NTM: variants seen among roughly 807,000 people sequenced by gnomAD.
NTM encodes neurotrimin.
A neutral mutation model predicts 42.1 loss-of-function variants in NTM; 13 were observed. That is an observed-to-expected ratio of 0.31 (90% confidence interval 0.20 to 0.49). NTM has a LOEUF of 0.49. Among genes scored for constraint, NTM ranks in the 20% least tolerant of loss-of-function variants. The pLI is 0.99. For missense variants in NTM, 373 were observed against 452.8 expected (o/e 0.82, Z 1.60); for synonymous variants, 187 against 179.2 (o/e 1.04, Z -0.35).
intron 2 of NTM, among the ~76,000 whole-genome samples, chr11:132,066,927 G>A (rs932645465): frequency 6.6e-6 from 1 of 151,734 alleles, no homozygotes; most frequent in African/African-American, 2.4e-5. Context: ...CAGATTCCAG[G>A]GATTAGGATG....
intron 1 of NTM, among the ~76,000 whole-genome samples, chr11:131,852,880 G>GTCCATCCATCCATCCACCCACCCA (rs1366259592): frequency 7.9e-6 from 1 of 126,460 alleles, no homozygotes; most frequent in Non-Finnish European, 1.7e-5. Flanking sequence ...CCACCCATCC[G>GTCCATCCATCCATCCACCCACCCA]TCCATCCATC....
chr11:131,746,650 C>T (rs2081867985), intron 1 of NTM, among the ~76,000 whole-genome samples: 1 of 152,142 alleles, frequency 6.6e-6, no homozygotes, highest in Non-Finnish European at 1.5e-5. Flanking sequence ...TATGCAGAGA[C>T]ATTAATAAGC....
intron 1 of NTM, among the ~76,000 whole-genome samples, chr11:131,687,624 G>A (rs990564318): frequency 1.3e-5 from 2 of 152,130 alleles, no homozygotes; most frequent in African/African-American, 2.4e-5. Context: ...AATTAGTGCC[G>A]CCCAAGTGCC....
chr11:132,292,938 GC>G lies in NTM; in HGVS notation c.527-14749del, dbSNP rs1437537005. On this transcript the variant is annotated intron_variant, in intron 4 of 8. Coordinates refer to ENST00000683400, the MANE Select transcript of NTM (RefSeq NM_001352005.2). ...GACAGAGTGAGATGCTTAAATTAAT[GC>G]CTTCAGAGGTGGTTCAGTTTCTGAC... 3.9e-5 allele frequency among the ~76,000 whole-genome samples: 6 copies of G among 152,022 alleles called. No individual in the cohort carries two copies. The East Asian group carries it at 9.7e-4, about 25-fold the overall frequency.
At chr11:131,514,216 G>A (rs2048609278) in intron 1 of NTM, among the ~76,000 whole-genome samples, 1 of 152,202 alleles carries the variant, frequency 6.6e-6, no homozygotes, top group African/African-American at 2.4e-5. Flanking sequence ...GCCCTGATAT[G>A]TCCAGTCTCT....
chr11:132,087,093 T>C (rs1055884247), intron 2 of NTM, among the ~76,000 whole-genome samples: 2 of 152,172 alleles, frequency 1.3e-5, no homozygotes, highest in African/African-American at 4.8e-5. Context: ...TCCTAGGGAA[T>C]ACCCAGGATA....
In NTM at chr11:131,911,661, C is replaced by T; in HGVS notation, c.167+13C>T. 1 of 1,613,948 alleles carries T rather than the reference C, an allele frequency of 6.2e-7. No homozygotes were observed. Among genetic ancestry groups the T allele is most frequent in the Non-Finnish European group, 8.5e-7 (1 of 1,179,844 alleles). On this transcript the variant is annotated intron_variant, in intron 2 of 8. Transcript: ENST00000683400. The stretch of plus-strand genomic sequence containing the variant: ...GCGCCACCCTCAGGTAGGGAGCTGA[C>T]ATTGTTCTGCGAACTGATGGTTTGT...
chr11:132,239,201 T>C (rs1592443121), intron 4 of NTM, among the ~76,000 whole-genome samples: 1 of 152,338 alleles, frequency 6.6e-6, no homozygotes, highest in East Asian at 1.9e-4. Context: ...ATATTACCAA[T>C]TGAGAAAGAA....
chr11:131,985,332 A>G (rs928655446), intron 2 of NTM, among the ~76,000 whole-genome samples: 8 of 152,222 alleles, frequency 5.3e-5, no homozygotes, highest in African/African-American at 1.9e-4. Flanking sequence ...CCATTGCCCA[A>G]GTGCAATCTG....
intron 1 of NTM, among the ~76,000 whole-genome samples, chr11:131,811,614 G>A (rs143208726): frequency 7.4e-4 from 113 of 152,146 alleles, no homozygotes; most frequent in African/African-American, 2.3e-3. Flanking sequence ...GCTGATTGAT[G>A]TCAAATATGT....
chr11:131,746,617 G>T (rs1197569192), intron 1 of NTM, among the ~76,000 whole-genome samples: 1 of 152,166 alleles, frequency 6.6e-6, no homozygotes, highest in Non-Finnish European at 1.5e-5. Flanking sequence ...TTCAGGTTAT[G>T]CTCAGATTGA....
rs1011210802 is a variant in NTM, at chr11:132,301,835, A to G, written c.527-5854A>G. ...CTTTTTCAATTTCTGACGTCCAAAG[A>G]TTGTATCTCAGCTGGTATATATGCC... is the stretch of plus-strand genomic sequence containing the variant. On this transcript the variant is annotated intron_variant, in intron 4 of 8. Coordinates refer to ENST00000683400, the MANE Select transcript of NTM (RefSeq NM_001352005.2). Among the ~76,000 whole-genome samples, 4 of 152,110 alleles carry G rather than the reference A, an allele frequency of 2.6e-5. No homozygotes were observed. The East Asian group carries it at 7.7e-4, about 29-fold the overall frequency.
chr11:131,782,781 T>C (rs1337660512), intron 1 of NTM, among the ~76,000 whole-genome samples: 1 of 152,178 alleles, frequency 6.6e-6, no homozygotes, highest in Non-Finnish European at 1.5e-5. Context: ...AAATTCAACA[T>C]TCCTTTGTGA....
At chr11:131,609,574 C>T (rs1011616194) in intron 1 of NTM, among the ~76,000 whole-genome samples, 5 of 152,140 alleles carry the variant, frequency 3.3e-5, no homozygotes, top group South Asian at 2.1e-4. Flanking sequence ...AGATCGAAGA[C>T]GTCTTGATGG....
At position 131,373,336 on chromosome 11, in the gene NTM, T is replaced by C. The variant is rs531757255; in HGVS notation, c.82+2448T>C. 8.1e-4 allele frequency among the ~76,000 whole-genome samples: 123 copies of C among 152,238 alleles called. 1 individual carries two copies. The highest frequency in any genetic ancestry group is 7.7e-3 in the South Asian group (37 of 4,824). On this transcript the variant is annotated intron_variant, in intron 1 of 8. Coordinates refer to ENST00000683400, the MANE Select transcript of NTM (RefSeq NM_001352005.2). The stretch of plus-strand genomic sequence containing the variant: ...ATTTTTTCTTCTCCTCTGTTTTTGT[T>C]TTAAGCTGGTTCTTCCTAGAGCTGC...
intron 1 of NTM, chr11:131,796,296 TGGTG>T: frequency 2.0e-6 from 1 of 495,854 alleles, no homozygotes; most frequent in Non-Finnish European, 2.6e-6. Context: ...CTGGCTGTGC[TGGTG>T]TCTCAGGAGC....
chr11:131,670,880 C>G (rs768212063), intron 1 of NTM, among the ~76,000 whole-genome samples: 4 of 152,182 alleles, frequency 2.6e-5, no homozygotes, highest in Non-Finnish European at 5.9e-5. Flanking sequence ...CCTCTGTGAG[C>G]AATCCTAGGT....
chr11:131,746,574 A>G (rs758931126), intron 1 of NTM, among the ~76,000 whole-genome samples: 2 of 152,172 alleles, frequency 1.3e-5, no homozygotes, highest in Non-Finnish European at 2.9e-5. Context: ...AGCATTAAGC[A>G]TGTTGTCTGT....
In NTM at chr11:131,421,385, G is replaced by A. The variant is rs190150292; in HGVS notation, c.82+50497G>A. ...GCCCTTCTCCTGCCTGGAGGCCGGT[G>A]TGCAGCCCTGCCTGGGGGGAGAGGA... On this transcript the variant is annotated intron_variant, in intron 1 of 8. Transcript: ENST00000683400. 3.8e-3 allele frequency among the ~76,000 whole-genome samples: 578 copies of A among 152,344 alleles called. 9 individuals are homozygous for A. The highest frequency in any genetic ancestry group is 0.03 in the Admixed American group (456 of 15,306).
Sources: allele counts gnomAD v4.1 joint callset (sites outside exome capture counted in the v4.1 genomes callset), GRCh38; gene constraint gnomAD v4.1.1; transcripts MANE v1.5; gene names NCBI Gene and HGNC (gene_info 2026-07-23, HGNC 2026-07-21).